Variants in FOXP1 observed in about 807,000 individuals in gnomAD.
FOXP1 encodes the protein forkhead box protein P1.
A neutral mutation model predicts 98.2 loss-of-function variants in FOXP1; 15 were observed. The ratio of observed to expected loss-of-function variants is 0.15; its 90% CI spans 0.10 to 0.24. The LOEUF (loss-of-function observed/expected upper bound fraction) is 0.24, where lower values mean the gene tolerates loss of function less well. Among genes scored for constraint, FOXP1 ranks in the 10% least tolerant of loss-of-function variants. The pLI is 1.00. For synonymous variants in FOXP1, 371 were observed against 314.5 expected, an observed-to-expected ratio of 1.18 and a Z score of -1.90; for missense variants, 633 against 848.5, an observed-to-expected ratio of 0.75 and a Z score of 3.15.
intron 9 of FOXP1, among the ~76,000 whole-genome samples, chr3:71,048,559 T>A (rs1161486808): frequency 6.6e-6 from 1 of 152,154 alleles, no homozygotes; most frequent in Non-Finnish European, 1.5e-5. Context: ...TTTAAATAAA[T>A]TTAAATGAAA....
chr3:71,253,076 G>A (rs1250188134), intron 5 of FOXP1, among the ~76,000 whole-genome samples: 2 of 152,166 alleles, frequency 1.3e-5, no homozygotes, highest in African/African-American at 4.8e-5. Flanking sequence ...TGGGCCAAGT[G>A]GGGCATGGCC....
intron 7 of FOXP1, among the ~76,000 whole-genome samples, chr3:71,067,720 G>A (rs185536047): frequency 8.0e-4 from 31 of 38,630 alleles, no homozygotes; most frequent in Admixed American, 4.3e-3. Flanking sequence ...GTGGGACTCC[G>A]TCTCCAAAAA....
In FOXP1 at chr3:71,527,840, C is replaced by G. The variant is rs140760627; in HGVS notation, c.-297-34285G>C. ...AAGAATCAAAAATTGCCCTTTTAAA[C>G]AGTTCATCCTGTCCTGTCTACATAT... On this transcript the variant is annotated intron_variant, in intron 2 of 20. Coordinates refer to ENST00000649528, the MANE Select transcript of FOXP1 (RefSeq NM_001349338.3). Among the ~76,000 whole-genome samples the G allele has an allele frequency of 2.3e-4, 35 of 152,344 alleles. 1 individual carries two copies. The highest frequency in any genetic ancestry group is 8.4e-4 in the African/African-American group (35 of 41,578).
intron 3 of FOXP1, among the ~76,000 whole-genome samples, chr3:71,490,595 G>C (rs984768580): frequency 6.6e-6 from 1 of 152,056 alleles, no homozygotes; most frequent in Non-Finnish European, 1.5e-5. Context: ...TACTGAGAAG[G>C]GAAGTTTTTT....
At chr3:71,151,399 G>GC (rs2060566508) in intron 6 of FOXP1, among the ~76,000 whole-genome samples, 1 of 152,192 alleles carries the variant, frequency 6.6e-6, no homozygotes, top group African/African-American at 2.4e-5. Flanking sequence ...TATTGGGGGA[G>GC]CACTTATGAT....
chr3:71,458,029 G>A (rs551023131), intron 3 of FOXP1, among the ~76,000 whole-genome samples: 16 of 151,958 alleles, frequency 1.1e-4, no homozygotes, highest in Non-Finnish European at 1.5e-4. Flanking sequence ...CTCCATTTTC[G>A]TAATCTCACA....
intron 2 of FOXP1, among the ~76,000 whole-genome samples, chr3:71,580,445 C>A (rs1042754564): frequency 6.6e-6 from 1 of 152,068 alleles, no homozygotes; most frequent in African/African-American, 2.4e-5. Context: ...GCTGAGTTTT[C>A]TTTTCCTGGA....
At chr3:71,267,153 G>C (rs1296441586) in intron 5 of FOXP1, among the ~76,000 whole-genome samples, 1 of 152,070 alleles carries the variant, frequency 6.6e-6, no homozygotes, top group Non-Finnish European at 1.5e-5. Context: ...GTGTGTGTGT[G>C]TGTAAACATT....
intron 3 of FOXP1, among the ~76,000 whole-genome samples, chr3:71,425,089 T>C (rs2084024634): frequency 6.8e-6 from 1 of 147,828 alleles, no homozygotes; most frequent in African/African-American, 2.5e-5. Flanking sequence ...GTGTCTTCAT[T>C]TTCCTGTTTT....
At chr3:71,395,837 T>C (rs960617001) in intron 3 of FOXP1, among the ~76,000 whole-genome samples, 4 of 152,140 alleles carry the variant, frequency 2.6e-5, no homozygotes, top group African/African-American at 9.7e-5. Flanking sequence ...TCCTTTGATA[T>C]GGTCAATGTT....
chr3:71,412,964 G>A (rs928180731), intron 3 of FOXP1, among the ~76,000 whole-genome samples: 6 of 152,078 alleles, frequency 3.9e-5, no homozygotes, highest in African/African-American at 1.4e-4. Context: ...TTTAAAAAAA[G>A]GAGGAATTTC....
Position 71,582,300 on chromosome 3 carries a change from G to T in FOXP1, c.-446-603C>A, listed in dbSNP as rs73839909. On this transcript the variant is annotated intron_variant, in intron 1 of 20. Coordinates refer to ENST00000649528, the MANE Select transcript of FOXP1 (RefSeq NM_001349338.3). ...TTGTCTGAAAAGGAGGGAGGCGGGAGGCGGGGGCGAGGGAAGGCGGAGGCA... is the reference window on the plus strand; with the variant it reads ...TTGTCTGAAAAGGAGGGAGGCGGGATGCGGGGGCGAGGGAAGGCGGAGGCA... 279 of 977,810 alleles carry T rather than the reference G, an allele frequency of 2.9e-4. 1 individual carries two copies. In the African/African-American group the frequency reaches 4.4e-3, roughly 16 times the overall value. The allele number at this position is 977,810 out of a possible 1,614,324, so 60.6% of individuals were successfully genotyped here.
chr3:71,198,043 G>A (rs987268440), intron 6 of FOXP1, 159 bp downstream of exon 6: 2 of 1,614,238 alleles, frequency 1.2e-6, no homozygotes, highest in Admixed American at 1.7e-5. Context: ...GGGACTCCTA[G>A]AGGGCTGATG....
At chr3:71,329,724 G>A (rs1560316050) in intron 4 of FOXP1, 1 of 152,150 alleles carries the variant, frequency 6.6e-6, no homozygotes, top group East Asian at 1.9e-4. Flanking sequence ...ACTTTCTATA[G>A]TACAGCACTG....
At chr3:71,207,795 A>G (rs895025725) in intron 5 of FOXP1, among the ~76,000 whole-genome samples, 4 of 152,238 alleles carry the variant, frequency 2.6e-5, no homozygotes, top group African/African-American at 9.6e-5. Flanking sequence ...TTTGCAAAAC[A>G]TGACAAAGGC....
At chr3:71,280,520 C>T (rs916853041) in intron 5 of FOXP1, among the ~76,000 whole-genome samples, 4 of 152,036 alleles carry the variant, frequency 2.6e-5, no homozygotes, top group African/African-American at 4.8e-5. Context: ...GACAGGGTTT[C>T]ACCATGTTGG....
chr3:71,345,836 G>A (rs1159780215), intron 4 of FOXP1, among the ~76,000 whole-genome samples: 5 of 119,736 alleles, frequency 4.2e-5, no homozygotes, highest in Admixed American at 1.1e-4. Flanking sequence ...AGGGACTACC[G>A]ATAGGCTATA....
intron 11 of FOXP1, among the ~76,000 whole-genome samples, chr3:71,016,411 C>A (rs932104020): frequency 2.6e-5 from 4 of 152,170 alleles, no homozygotes; most frequent in Non-Finnish European, 5.9e-5. Context: ...CTGTTGCACT[C>A]ACCGATGAAC....
At chr3:71,392,755 A>T (rs1306508792) in intron 3 of FOXP1, among the ~76,000 whole-genome samples, 2 of 152,188 alleles carry the variant, frequency 1.3e-5, no homozygotes, top group Admixed American at 6.5e-5. Flanking sequence ...TCTTTTTTTA[A>T]CTAGTGTAAT....
Sources: allele counts gnomAD v4.1 joint callset (sites outside exome capture counted in the v4.1 genomes callset), GRCh38; gene constraint gnomAD v4.1.1; transcripts MANE v1.5; gene names NCBI Gene and HGNC (gene_info 2026-07-23, HGNC 2026-07-21).